Variants in ZNF273 observed in about 807,000 individuals in gnomAD.
ZNF273 encodes zinc finger protein 9.
ZNF273 carries 11 observed loss-of-function variants against 14.9 expected under a neutral mutation model. That is an observed-to-expected ratio of 0.74 (90% CI 0.46 to 1.22). ZNF273 has a LOEUF of 1.22. Among genes scored for constraint, ZNF273 ranks in the 50% most tolerant of loss-of-function variants. ZNF273 has a pLI of 0.00. For missense variants in ZNF273, 577 were observed against 660.6 expected (o/e 0.87, Z 1.39); for synonymous variants, 199 against 223.9 (o/e 0.89, Z 0.99).
At chr7:64,894,618 T>C (rs1338250725), downstream of ZNF273, among the ~76,000 whole-genome samples, 1 of 152,088 alleles carries the variant, frequency 6.6e-6, no homozygotes, top group Non-Finnish European at 1.5e-5. Context: ...TTTTTACCTT[T>C]CTAAAAAAGT....
In ZNF273 at chr7:64,919,624, C is replaced by T. The variant is rs181717166; in HGVS notation, c.325+1332C>T. ...TTTCATCCTGGGCAACAGAGCAAAA[C>T]GGTCAAAAAAGATTTTTTACCTGCT... On this transcript the variant is annotated intron_variant, in intron 3 of 3. Coordinates refer to ENST00000476120, the MANE Select transcript of ZNF273 (RefSeq NM_021148.3). Among the ~76,000 whole-genome samples the T allele has an allele frequency of 5.3e-5, 8 of 152,178 alleles. No individual in the cohort carries two copies. The East Asian group carries it at 1.4e-3, about 26-fold the overall frequency.
At chr7:64,894,665 A>G (rs62455116), downstream of ZNF273, among the ~76,000 whole-genome samples, 5,912 of 150,710 alleles carry the variant, frequency 0.039, 181 homozygotes, top group East Asian at 0.15. Flanking sequence ...ATAAACCTGA[A>G]TTTGTCATAC....
chr7:64,878,178 G>A (rs1443424683), intron 1 of ZNF273, among the ~76,000 whole-genome samples: 3 of 151,958 alleles, frequency 2.0e-5, no homozygotes, highest in Admixed American at 6.6e-5. Context: ...GCGGGGCGGC[G>A]TGTTTGTTTT....
At position 64,912,826 on chromosome 7, in the gene ZNF273, G is replaced by GTTTTTTGTTGTTGTTGTTTTTTT; in HGVS notation, c.103-4749_103-4748insGTTGTTGTTGTTTTTTTTTTTTT. Among the ~76,000 whole-genome samples, 16 of 36,578 alleles carry GTTTTTTGTTGTTGTTGTTTTTTT rather than the reference G, an allele frequency of 4.4e-4. 3 individuals are homozygous for GTTTTTTGTTGTTGTTGTTTTTTT. The highest frequency in any genetic ancestry group is 3.7e-3 in the East Asian group (6 of 1,618). The allele number at this position is 36,578 out of a possible 152,430, so 24.0% of individuals were successfully genotyped here. ...TCTTTTTGACTCAGGATTCATTTTA[G>GTTTTTTGTTGTTGTTGTTTTTTT]TTTTTTTTTTTTTTTTTTTTGAGAT... is the stretch of plus-strand genomic sequence containing the variant. On this transcript the variant is annotated intron_variant, in intron 1 of 3. Coordinates refer to ENST00000476120, the MANE Select transcript of ZNF273 (RefSeq NM_021148.3).
chr7:64,926,922 C>A (rs1000460143), intron 3 of ZNF273, among the ~76,000 whole-genome samples: 2 of 152,184 alleles, frequency 1.3e-5, no homozygotes, highest in African/African-American at 4.8e-5. Flanking sequence ...CTGCAACATT[C>A]ACCTTGGGTC....
At chr7:64,878,130 A>C (rs1268987225) in intron 1 of ZNF273, among the ~76,000 whole-genome samples, 5 of 151,638 alleles carry the variant, frequency 3.3e-5, no homozygotes, top group Non-Finnish European at 7.4e-5. Flanking sequence ...GAGTCGGCTG[A>C]CCTTTGGTGC....
chr7:64,921,014 T>C (rs1001759475), intron 3 of ZNF273, among the ~76,000 whole-genome samples: 1 of 152,156 alleles, frequency 6.6e-6, no homozygotes, highest in Non-Finnish European at 1.5e-5. Context: ...TAGTTTTACT[T>C]TCTATTTGCT....
Position 64,917,548 on chromosome 7 carries a change from G to A in ZNF273, c.103-33G>A, listed in dbSNP as rs185063511. On this transcript the variant is annotated intron_variant, in intron 1 of 3. Transcript: ENST00000476120. ...TAAATATTCTGTCCAGAGCAAGTTG[G>A]TAAATATGTTTTTGTGTGTGTGTGT... 1.3e-4 allele frequency: 200 copies of A among 1,577,752 alleles called. 1 individual carries two copies. The East Asian group carries it at 4.3e-3, about 34-fold the overall frequency.
chr7:64,918,453 G>T (rs1794171637), intron 3 of ZNF273, among the ~76,000 whole-genome samples, 161 bp downstream of exon 3: 1 of 152,042 alleles, frequency 6.6e-6, no homozygotes, highest in Non-Finnish European at 1.5e-5. Context: ...ACGAGGTCAA[G>T]AGATCCAGAG....
downstream of ZNF273, chr7:64,893,837 C>T (rs1042801870): frequency 6.5e-6 from 1 of 153,822 alleles, no homozygotes; most frequent in African/African-American, 2.4e-5. Context: ...AAATACCGTC[C>T]TAGTCACTAC....
Position 64,917,586 on chromosome 7 carries a change from A to G in ZNF273, c.108A>G (p.Pro36=). The change falls in exon 2 of 4, where the codon CCA becomes CCG. Residue 36 remains proline, a synonymous_variant. Transcript: ENST00000476120. The stretch of plus-strand genomic sequence containing the variant: ...TGTGTGTGTGTGTTTTTCAGGGACC[A>G]CTGACATTTAGGGATGTGGCCATAG... ...PGLPGSLEMG[P]LTFRDVAIEF... is the part of the protein sequence containing the mutation. The G allele has an allele frequency of 6.3e-7, 1 of 1,596,648 alleles. No homozygotes were observed. The highest frequency in any genetic ancestry group is 8.6e-7 in the Non-Finnish European group (1 of 1,169,002).
chr7:64,925,597 C>G (rs1028632561), intron 3 of ZNF273, among the ~76,000 whole-genome samples: 6 of 152,048 alleles, frequency 3.9e-5, no homozygotes, highest in Admixed American at 3.9e-4. Flanking sequence ...GCCACCATGC[C>G]TGGCTAATTT....
At chr7:64,924,514 T>TACACAC (rs34595818) in intron 3 of ZNF273, 8 of 151,168 alleles carry the variant, frequency 5.3e-5, no homozygotes, top group African/African-American at 1.7e-4. Flanking sequence ...CACTCACACA[T>TACACAC]ACACACACAC....
At chr7:64,908,167 A>G (rs1047088340) in intron 1 of ZNF273, among the ~76,000 whole-genome samples, 3 of 152,252 alleles carry the variant, frequency 2.0e-5, no homozygotes, top group Non-Finnish European at 4.4e-5. Context: ...ATCAGAGTAC[A>G]GCCCCCCTGG....
At chr7:64,910,928 G>A (rs1016424741) in intron 1 of ZNF273, among the ~76,000 whole-genome samples, 6 of 151,820 alleles carry the variant, frequency 4.0e-5, no homozygotes, top group Admixed American at 3.3e-4. Flanking sequence ...ACCATGCCTG[G>A]CTAATTTTTC....
chr7:64,885,015 C>T (rs1292293123), intron 1 of ZNF273, among the ~76,000 whole-genome samples: 1 of 152,240 alleles, frequency 6.6e-6, no homozygotes, highest in Non-Finnish European at 1.5e-5. Flanking sequence ...TCGCATGCGC[C>T]AGTCGCGGGA....
In ZNF273 at chr7:64,912,846, T is replaced by TG. The variant is rs1562959225; in HGVS notation, c.103-4734dup. On this transcript the variant is annotated intron_variant, in intron 1 of 3. Coordinates refer to ENST00000476120, the MANE Select transcript of ZNF273 (RefSeq NM_021148.3). ...TTTTAGTTTTTTTTTTTTTTTTTTT[T>TG]GAGATTGAGTTTCGCTCTGTCATCC... 9.2e-5 allele frequency among the ~76,000 whole-genome samples: 9 copies of TG among 98,272 alleles called. 1 individual carries two copies. The highest frequency in any genetic ancestry group is 1.5e-4 in the Non-Finnish European group (6 of 39,254). The allele number at this position is 98,272 out of a possible 152,430, so 64.5% of individuals were successfully genotyped here. A position where few individuals can be genotyped will look rare whatever the true frequency, so the allele number is the denominator to read the frequency against.
upstream of ZNF273, among the ~76,000 whole-genome samples, chr7:64,902,206 CTTTTT>C (rs1195151564): frequency 6.8e-6 from 1 of 146,232 alleles, no homozygotes; most frequent in Non-Finnish European, 1.5e-5. Context: ...CTGTTTCTTC[CTTTTT>C]TTTTTAAGTT....
chr7:64,918,332 TGA>T, intron 3 of ZNF273, 40 bp downstream of exon 3: 1 of 1,504,636 alleles, frequency 6.6e-7, no homozygotes, highest in South Asian at 1.1e-5. Context: ...ATGACACAGA[TGA>T]CAGGTCTAAA....
Sources: allele counts gnomAD v4.1 joint callset (sites outside exome capture counted in the v4.1 genomes callset), GRCh38; gene constraint gnomAD v4.1.1; transcripts MANE v1.5; gene names NCBI Gene and HGNC (gene_info 2026-07-23, HGNC 2026-07-21).